Variants in CDH13 observed in about 807,000 individuals in gnomAD.
CDH13 encodes the protein cadherin-13.
Under a neutral mutation model 63.8 loss-of-function variants are expected in CDH13, and 24 were observed. The ratio of observed to expected loss-of-function variants is 0.38; its 90% CI spans 0.27 to 0.53. The LOEUF is 0.53. Ranked by LOEUF, CDH13 falls within the 20% of genes least tolerant of loss-of-function variation. The pLI is 0.85. For synonymous variants in CDH13, 503 were observed against 355.3 expected (o/e 1.42, Z -4.67); for missense variants, 1,049 against 903.1 (o/e 1.16, Z -2.07).
Position 83,184,932 on chromosome 16 carries a change from A to T in CDH13, c.484-32413A>T, listed in dbSNP as rs546907385. Among the ~76,000 whole-genome samples the T allele has an allele frequency of 2.7e-3, 407 of 150,072 alleles. 1 individual carries two copies. Among genetic ancestry groups the T allele is most frequent in the Non-Finnish European group, 4.9e-3 (333 of 67,462 alleles). Reference sequence around the variant, plus strand: ...GCGTGTGTGTGTGTAGTAGCAGCTTATTTTTTTTCTATTTCTCTTTGATTT... The same window carrying T: ...GCGTGTGTGTGTGTAGTAGCAGCTTTTTTTTTTTCTATTTCTCTTTGATTT... On this transcript the variant is annotated intron_variant, in intron 4 of 13. Transcript: ENST00000567109.
intron 1 of CDH13, among the ~76,000 whole-genome samples, chr16:82,769,803 G>A (rs763556564): frequency 5.3e-5 from 8 of 152,248 alleles, no homozygotes; most frequent in African/African-American, 9.6e-5. Context: ...CACATTTACC[G>A]GAATGCATTG....
rs894184485 is a variant in CDH13, at chr16:82,950,411, G to A, written c.158-81599G>A. 2.6e-5 allele frequency among the ~76,000 whole-genome samples: 4 copies of A among 152,120 alleles called. No individual in the cohort carries two copies. The South Asian group carries it at 8.3e-4, about 32-fold the overall frequency. ...GAATTGTAGCTCCCATAATTCCCACGTGTTATGGGAGGGACTGGGTGGGAG... is the reference window on the plus strand; with the variant it reads ...GAATTGTAGCTCCCATAATTCCCACATGTTATGGGAGGGACTGGGTGGGAG... On this transcript the variant is annotated intron_variant, in intron 2 of 13. Coordinates refer to ENST00000567109, the MANE Select transcript of CDH13 (RefSeq NM_001257.5).
At chr16:83,219,908 G>T (rs545633832) in intron 5 of CDH13, among the ~76,000 whole-genome samples, 1 of 152,162 alleles carries the variant, frequency 6.6e-6, no homozygotes, top group African/African-American at 2.4e-5. Flanking sequence ...CCTCTCTTCT[G>T]TGTGTAGGTG....
At chr16:83,449,121 A>G (rs181233307) in intron 6 of CDH13, among the ~76,000 whole-genome samples, 12 of 152,310 alleles carry the variant, frequency 7.9e-5, no homozygotes, top group African/African-American at 2.4e-4. Flanking sequence ...CCTACGTTTT[A>G]AATGTCTTAC....
chr16:82,885,466 C>CCCAT (rs58100947), intron 2 of CDH13, among the ~76,000 whole-genome samples: 96,097 of 129,006 alleles, frequency 0.74, 35,971 homozygotes, highest in East Asian at 0.88. Context: ...CATCCACCTA[C>CCCAT]CCATCCATCC....
intron 2 of CDH13, among the ~76,000 whole-genome samples, chr16:82,940,541 G>A (rs1420197641): frequency 6.6e-6 from 1 of 152,106 alleles, no homozygotes; most frequent in Non-Finnish European, 1.5e-5. Context: ...TTCCAGATTT[G>A]GTTCAGGTAA....
chr16:82,971,023 T>A (rs1193720214), intron 2 of CDH13, among the ~76,000 whole-genome samples: 6 of 152,196 alleles, frequency 3.9e-5, no homozygotes, highest in African/African-American at 7.2e-5. Context: ...GTGCTCCACC[T>A]ATATCCTTTC....
chr16:83,352,819 G>C (rs2090982298), intron 6 of CDH13, among the ~76,000 whole-genome samples: 1 of 152,156 alleles, frequency 6.6e-6, no homozygotes, highest in Admixed American at 6.5e-5. Flanking sequence ...GAACCCGGGA[G>C]GCGGAGTGTA....
intron 6 of CDH13, among the ~76,000 whole-genome samples, chr16:83,366,340 A>T (rs962562562): frequency 2.0e-5 from 3 of 152,214 alleles, no homozygotes; most frequent in African/African-American, 7.2e-5. Context: ...CAGAATTATG[A>T]ATACTTTTGG....
At chr16:82,628,467 A>G (rs1410598172) in intron 1 of CDH13, among the ~76,000 whole-genome samples, 1 of 152,032 alleles carries the variant, frequency 6.6e-6, no homozygotes, top group Non-Finnish European at 1.5e-5. Flanking sequence ...TGTTAGAGCA[A>G]TGTTGGGTTT....
intron 8 of CDH13, among the ~76,000 whole-genome samples, chr16:83,663,999 A>G (rs75640795): frequency 1.4e-5 from 2 of 147,462 alleles, no homozygotes; most frequent in Non-Finnish European, 3.0e-5. Context: ...CATCTCTACA[A>G]AAAAAAAAAA....
intron 6 of CDH13, among the ~76,000 whole-genome samples, chr16:83,455,252 G>A (rs1041697329): frequency 5.3e-5 from 8 of 152,170 alleles, no homozygotes; most frequent in Non-Finnish European, 1.2e-4. Context: ...GTGAGACAAG[G>A]AAACTGGCAA....
chr16:82,672,569 C>T (rs561355289), intron 1 of CDH13, among the ~76,000 whole-genome samples: 4 of 152,102 alleles, frequency 2.6e-5, no homozygotes, highest in South Asian at 2.1e-4. Flanking sequence ...CTGATCCTTT[C>T]GCACCATATC....
chr16:82,941,991 C>G (rs1196203538), intron 2 of CDH13, among the ~76,000 whole-genome samples: 1 of 152,144 alleles, frequency 6.6e-6, no homozygotes, highest in Non-Finnish European at 1.5e-5. Context: ...CCCTTTGTGT[C>G]TTGTCTTTCA....
intron 5 of CDH13, among the ~76,000 whole-genome samples, chr16:83,268,182 A>G (rs1262057510): frequency 6.6e-6 from 1 of 152,224 alleles, no homozygotes; most frequent in African/African-American, 2.4e-5. Context: ...AAGTGCAGAC[A>G]TTAACTGTAC....
chr16:83,066,031 T>C (rs1271455143), intron 3 of CDH13, among the ~76,000 whole-genome samples: 1 of 152,208 alleles, frequency 6.6e-6, no homozygotes, highest in Admixed American at 6.5e-5. Flanking sequence ...TTCTGTAAAA[T>C]GTCTTAAGCA....
chr16:82,819,031 A>G (rs1253668203), intron 1 of CDH13, among the ~76,000 whole-genome samples: 1 of 152,222 alleles, frequency 6.6e-6, no homozygotes, highest in Non-Finnish European at 1.5e-5. Flanking sequence ...CAGCAAAATC[A>G]TCTGGCATGT....
intron 1 of CDH13, among the ~76,000 whole-genome samples, chr16:82,654,897 A>C (rs1911127875): frequency 6.6e-6 from 1 of 152,118 alleles, no homozygotes; most frequent in Non-Finnish European, 1.5e-5. Context: ...AACACTACTG[A>C]GGTAGATGGA....
At chr16:83,416,494 T>G (rs542808102) in intron 6 of CDH13, among the ~76,000 whole-genome samples, 11 of 152,326 alleles carry the variant, frequency 7.2e-5, no homozygotes, top group African/African-American at 2.4e-4. Flanking sequence ...GTGCCTCTCA[T>G]GTTTAAGTAT....
Sources: gnomAD v4.1 joint callset for allele counts (sites outside exome capture counted in the v4.1 genomes callset) on GRCh38, gnomAD v4.1.1 for gene constraint, MANE v1.5 for transcripts, NCBI Gene and HGNC (gene_info 2026-07-23, HGNC 2026-07-21) for gene names.